PTPRD: variants seen among roughly 807,000 people sequenced by gnomAD.
PTPRD encodes protein tyrosine phosphatase receptor type D, also known as receptor-type tyrosine-protein phosphatase delta.
Under a neutral mutation model 214.5 loss-of-function variants are expected in PTPRD, and 34 were observed. The ratio of observed to expected loss-of-function variants is 0.16; its 90% CI spans 0.12 to 0.21. The LOEUF is 0.21. Among genes scored for constraint, PTPRD ranks in the 10% least tolerant of loss-of-function variants. PTPRD has a pLI of 1.00. For missense variants in PTPRD, 2,545 were observed against 2,398.7 expected (o/e 1.06, Z -1.27); for synonymous variants, 1,128 against 845.7 (o/e 1.33, Z -5.79).
rs1156386306 is a variant in PTPRD at position 10,400,389 on chromosome 9, AT to A, written c.-599-59373del. On this transcript the variant is annotated intron_variant, in intron 2 of 45. Coordinates refer to ENST00000381196, the MANE Select transcript of PTPRD (RefSeq NM_002839.4). Reference sequence around the variant, plus strand: ...GTACTTTAAATTTTAAAATAAATACATTTTTTCATGTAATTAGTTGACTTAT... The same window carrying A: ...GTACTTTAAATTTTAAAATAAATACATTTTTCATGTAATTAGTTGACTTAT... Among the ~76,000 whole-genome samples the A allele has an allele frequency of 2.6e-5, 4 of 151,824 alleles. No homozygotes were observed. In the South Asian group the frequency reaches 8.3e-4, roughly 31 times the overall value.
At chr9:8,974,456 G>A (rs139429062) in intron 11 of PTPRD, among the ~76,000 whole-genome samples, 23 of 152,006 alleles carry the variant, frequency 1.5e-4, no homozygotes, top group African/African-American at 5.3e-4. Flanking sequence ...ATGCAGCTTT[G>A]TTACATAGGT....
chr9:9,028,560 T>G (rs1322809547), intron 10 of PTPRD, among the ~76,000 whole-genome samples: 4 of 151,998 alleles, frequency 2.6e-5, no homozygotes, highest in Non-Finnish European at 5.9e-5. Context: ...ATTAATAAAG[T>G]CTATTTATTT....
At chr9:8,820,462 T>G (rs1036717298) in intron 11 of PTPRD, among the ~76,000 whole-genome samples, 6 of 152,162 alleles carry the variant, frequency 3.9e-5, no homozygotes, top group African/African-American at 1.4e-4. Context: ...CTGATCATAT[T>G]CATTAGTTAA....
chr9:9,848,734 A>T (rs2153659561), intron 5 of PTPRD, among the ~76,000 whole-genome samples: 1 of 152,256 alleles, frequency 6.6e-6, no homozygotes, highest in Non-Finnish European at 1.5e-5. Flanking sequence ...CATCATTTTA[A>T]TACAAAAACA....
chr9:8,394,264 T>C (rs938312268), intron 36 of PTPRD, among the ~76,000 whole-genome samples: 1 of 151,974 alleles, frequency 6.6e-6, no homozygotes, highest in Non-Finnish European at 1.5e-5. Context: ...AAGATGTCTC[T>C]TGTTGAAGGG....
intron 10 of PTPRD, among the ~76,000 whole-genome samples, chr9:9,122,424 A>G (rs2099818459): frequency 6.6e-6 from 1 of 152,222 alleles, no homozygotes; most frequent in Non-Finnish European, 1.5e-5. Flanking sequence ...ATGAGTCAGC[A>G]AATGTCCTAA....
At chr9:9,375,397 A>C (rs1422188756) in intron 9 of PTPRD, among the ~76,000 whole-genome samples, 1 of 152,174 alleles carries the variant, frequency 6.6e-6, no homozygotes, top group African/African-American at 2.4e-5. Flanking sequence ...GGAGTTCAAA[A>C]CCAGCCTGAC....
chr9:10,293,604 G>T (rs1468976395), intron 3 of PTPRD, among the ~76,000 whole-genome samples: 1 of 151,902 alleles, frequency 6.6e-6, no homozygotes, highest in African/African-American at 2.4e-5. Context: ...AAGATAAAAG[G>T]AAGTACTCCA....
At chr9:10,348,338 G>C (rs911156344) in intron 2 of PTPRD, among the ~76,000 whole-genome samples, 3 of 152,082 alleles carry the variant, frequency 2.0e-5, no homozygotes, top group Non-Finnish European at 4.4e-5. Context: ...GTTTCTAAGA[G>C]TGCTGTTTAA....
At chr9:9,812,611 G>C (rs933823585) in intron 5 of PTPRD, among the ~76,000 whole-genome samples, 1 of 152,084 alleles carries the variant, frequency 6.6e-6, no homozygotes, top group Admixed American at 6.5e-5. Flanking sequence ...TCATCAAAAG[G>C]ATGTAACAAT....
chr9:10,029,332 G>A (rs1160883913), intron 4 of PTPRD, among the ~76,000 whole-genome samples: 1 of 152,172 alleles, frequency 6.6e-6, no homozygotes, highest in East Asian at 1.9e-4. Context: ...GCTGTGAGAA[G>A]AGAGCCACCA....
intron 3 of PTPRD, among the ~76,000 whole-genome samples, chr9:10,231,337 A>G (rs1266583784): frequency 8.3e-6 from 1 of 120,828 alleles, no homozygotes; most frequent in Admixed American, 8.3e-5. Context: ...GAGAACAAAG[A>G]AAAAAAAAAT....
intron 15 of PTPRD, 51 bp downstream of exon 15, chr9:8,528,540 T>C (rs1406582667): frequency 1.3e-6 from 2 of 1,483,822 alleles, no homozygotes; most frequent in Non-Finnish European, 1.8e-6. Flanking sequence ...GAGAGAAAAA[T>C]TAAAAAAAAA....
In PTPRD at chr9:9,512,964, G is replaced by C. The variant is rs970405194; in HGVS notation, c.-237+61768C>G. 6.2e-4 allele frequency among the ~76,000 whole-genome samples: 94 copies of C among 151,380 alleles called. 2 individuals are homozygous for C. Among genetic ancestry groups the C allele is most frequent in the African/African-American group, 2.1e-3 (86 of 41,372 alleles). On this transcript the variant is annotated intron_variant, in intron 8 of 45. Coordinates refer to ENST00000381196, the MANE Select transcript of PTPRD (RefSeq NM_002839.4). ...TTCTTTCAATGATAATAACAATTTA[G>C]GAAATAAATTCATTTCTTCCTTTTA...
At chr9:10,111,400 A>C (rs371660548) in intron 3 of PTPRD, among the ~76,000 whole-genome samples, 42 of 146,910 alleles carry the variant, frequency 2.9e-4, no homozygotes, top group African/African-American at 1.0e-3. Context: ...CACTACGCCC[A>C]GCTAATTTTT....
chr9:9,122,993 CT>C (rs2099819056), intron 10 of PTPRD, among the ~76,000 whole-genome samples: 1 of 152,138 alleles, frequency 6.6e-6, no homozygotes, highest in Admixed American at 6.6e-5. Flanking sequence ...CCACAAGGCA[CT>C]TAAATTCACT....
At chr9:10,252,822 C>T (rs565175840) in intron 3 of PTPRD, among the ~76,000 whole-genome samples, 18 of 152,182 alleles carry the variant, frequency 1.2e-4, no homozygotes, top group African/African-American at 4.1e-4. Context: ...CTCACTCTGT[C>T]GCCCAGGCTG....
At chr9:9,846,586 A>C (rs937516875) in intron 5 of PTPRD, among the ~76,000 whole-genome samples, 7 of 152,188 alleles carry the variant, frequency 4.6e-5, no homozygotes, top group African/African-American at 1.7e-4. Context: ...GTACATAAAG[A>C]GTTACCAGAC....
chr9:9,569,038 A>G (rs942272601), intron 8 of PTPRD, among the ~76,000 whole-genome samples: 1 of 151,800 alleles, frequency 6.6e-6, no homozygotes, highest in Non-Finnish European at 1.5e-5. Flanking sequence ...GAGAAAATGC[A>G]CTATGCCCAC....
Sources: allele counts gnomAD v4.1 joint callset (sites outside exome capture counted in the v4.1 genomes callset), GRCh38; gene constraint gnomAD v4.1.1; transcripts MANE v1.5; gene names NCBI Gene and HGNC (gene_info 2026-07-23, HGNC 2026-07-21).